PCDHA7: variants seen among roughly 807,000 people sequenced by gnomAD.
PCDHA7 encodes protocadherin alpha 7, also known as protocadherin alpha-7.
A neutral mutation model predicts 57.2 loss-of-function variants in PCDHA7; 37 were observed. The observed-to-expected ratio is 0.65, with a 90% CI of 0.50 to 0.85. The LOEUF (loss-of-function observed/expected upper bound fraction) is 0.85, where lower values mean the gene tolerates loss of function less well. Ranked by LOEUF, PCDHA7 falls within the 40% of genes least tolerant of loss-of-function variation. The pLI, the probability that PCDHA7 is intolerant of heterozygous loss-of-function variation, is 0.00. For synonymous variants in PCDHA7, 553 were observed against 558.8 expected (o/e 0.99, Z 0.15); for missense variants, 1,188 against 1,241.8 (o/e 0.96, Z 0.65).
intron 1 of PCDHA7, among the ~76,000 whole-genome samples, chr5:140,935,339 A>G (rs1048024159): frequency 1.3e-5 from 2 of 152,180 alleles, no homozygotes; most frequent in Admixed American, 6.5e-5. Context: ...TTTCTCCCAT[A>G]CGTCAAATCC....
intron 1 of PCDHA7, among the ~76,000 whole-genome samples, chr5:140,904,937 A>C (rs2071485651): frequency 6.6e-6 from 1 of 152,190 alleles, no homozygotes; most frequent in Non-Finnish European, 1.5e-5. Flanking sequence ...GGTTCTGGAT[A>C]TTAGTCCTTT....
intron 1 of PCDHA7, among the ~76,000 whole-genome samples, chr5:140,950,043 A>G (rs1011500100): frequency 1.6e-4 from 25 of 151,950 alleles, no homozygotes; most frequent in Non-Finnish European, 3.4e-4. Context: ...TTACAACCAT[A>G]TAAGACTATT....
chr5:140,992,698 A>G (rs764226558), intron 3 of PCDHA7, among the ~76,000 whole-genome samples: 4 of 152,094 alleles, frequency 2.6e-5, no homozygotes, highest in Non-Finnish European at 4.4e-5. Flanking sequence ...GGGGTGGGTA[A>G]TGTTCCTGCC....
chr5:140,869,250 G>C (rs371660992), intron 1 of PCDHA7: 4 of 1,613,636 alleles, frequency 2.5e-6, no homozygotes, highest in East Asian at 2.2e-5. Flanking sequence ...GCCGCATCGC[G>C]CAGGACCTGG....
In PCDHA7 at chr5:140,877,128, G is replaced by T. The variant is rs782052511; in HGVS notation, c.2355+40390G>T. On this transcript the variant is annotated intron_variant, in intron 1 of 3. Coordinates refer to ENST00000525929, the MANE Select transcript of PCDHA7 (RefSeq NM_018910.3). ...CTCTGGGCAGCAACGTGACGCTGCA[G>T]GTGTTCGTGCTGGACGAGAACGACA... is the stretch of plus-strand genomic sequence containing the variant. 3.1e-6 allele frequency: 5 copies of T among 1,613,644 alleles called. No homozygotes were observed. The African/African-American group carries it at 5.3e-5, about 17-fold the overall frequency.
chr5:140,862,756 G>C (rs1027587772), intron 1 of PCDHA7: 46 of 577,592 alleles, frequency 8.0e-5, no homozygotes, highest in Non-Finnish European at 1.4e-4. Context: ...CGCGGAGAGC[G>C]GCAAGAGGTA....
At chr5:140,927,366 A>C in intron 1 of PCDHA7, 1 of 1,614,088 alleles carries the variant, frequency 6.2e-7, no homozygotes, top group Non-Finnish European at 8.5e-7. Context: ...GCAATGGGAT[A>C]CTAAGCTACA....
chr5:140,981,944 G>A (rs893119825), intron 2 of PCDHA7, among the ~76,000 whole-genome samples: 2 of 152,174 alleles, frequency 1.3e-5, no homozygotes, highest in Non-Finnish European at 2.9e-5. Flanking sequence ...GAAATATAGG[G>A]TGGGTCATCT....
intron 1 of PCDHA7, chr5:140,968,380 C>T: frequency 6.2e-7 from 1 of 1,614,072 alleles, no homozygotes; most frequent in Non-Finnish European, 8.5e-7. Context: ...ACTCCTTTGA[C>T]TATGAGAAGT....
chr5:140,954,885 T>C (rs1291095041), intron 1 of PCDHA7, among the ~76,000 whole-genome samples: 1 of 152,218 alleles, frequency 6.6e-6, no homozygotes, highest in Non-Finnish European at 1.5e-5. Context: ...GCTTTTCTTC[T>C]AGGGTTTTTA....
chr5:140,926,349 G>A (rs1405832516), intron 1 of PCDHA7: 2 of 152,260 alleles, frequency 1.3e-5, no homozygotes, highest in Admixed American at 1.3e-4. Flanking sequence ...CCCGACGCGC[G>A]GCTCCCAAAG....
intron 1 of PCDHA7, among the ~76,000 whole-genome samples, chr5:140,955,006 C>G (rs1304080416): frequency 6.6e-6 from 1 of 152,154 alleles, no homozygotes; most frequent in African/African-American, 2.4e-5. Flanking sequence ...AGCCAATTCT[C>G]CCAGCACCAT....
At chr5:140,983,392 C>T (rs1190599444) in intron 3 of PCDHA7, among the ~76,000 whole-genome samples, 2 of 152,150 alleles carry the variant, frequency 1.3e-5, no homozygotes, top group African/African-American at 2.4e-5. Context: ...TGGCAGTTTT[C>T]AGAAAGGGAA....
chr5:140,851,798 T>C lies in PCDHA7; in HGVS notation c.2355+15060T>C. On this transcript the variant is annotated intron_variant, in intron 1 of 3. Coordinates refer to ENST00000525929, the MANE Select transcript of PCDHA7 (RefSeq NM_018910.3). ...TTTAGATGAGAATTCACTTGTTCTGTCAGTAATCCATAAGACAGAAATCTG... is the reference window on the plus strand; with the variant it reads ...TTTAGATGAGAATTCACTTGTTCTGCCAGTAATCCATAAGACAGAAATCTG... 3 of 953,066 alleles carry C rather than the reference T, an allele frequency of 3.1e-6. No individual in the cohort carries two copies. The South Asian group carries it at 1.5e-4, about 46-fold the overall frequency. 59.0% of individuals were successfully genotyped at this position (953,066 alleles called of 1,614,324 possible). A position where few individuals can be genotyped will look rare whatever the true frequency, so the allele number is the denominator to read the frequency against.
At chr5:140,977,955 C>T (rs1280190913) in intron 1 of PCDHA7, among the ~76,000 whole-genome samples, 1 of 152,170 alleles carries the variant, frequency 6.6e-6, no homozygotes, top group African/African-American at 2.4e-5. Context: ...GACAGGGCCA[C>T]CTCAATCTCC....
chr5:140,995,949 G>T (rs781875497), intron 3 of PCDHA7, among the ~76,000 whole-genome samples: 1 of 152,160 alleles, frequency 6.6e-6, no homozygotes, highest in African/African-American at 2.4e-5. Context: ...CATAATGCAC[G>T]CAAAATGCTT....
In PCDHA7 at chr5:140,978,698, A is replaced by C. The variant is rs150194035; in HGVS notation, c.2356-251A>C. 1.4e-3 allele frequency among the ~76,000 whole-genome samples: 215 copies of C among 152,372 alleles called. 5 individuals carry two copies. In the South Asian group the frequency reaches 0.033, roughly 23 times the overall value. ...ACATGTATTGGGCAAGGCAAAGCCA[A>C]AGGTGGCCTTTACAAGATTATTAAA... is the stretch of plus-strand genomic sequence containing the variant. On this transcript the variant is annotated intron_variant, in intron 1 of 3. Transcript: ENST00000525929.
intron 1 of PCDHA7, among the ~76,000 whole-genome samples, chr5:140,938,157 G>C (rs532966795): frequency 6.6e-6 from 1 of 152,022 alleles, no homozygotes; most frequent in African/African-American, 2.4e-5. Context: ...CATTGCCCAG[G>C]CTAGTCTGGA....
rs375716587 is a variant in PCDHA7 at position 140,871,025 on chromosome 5, C to T, written c.2355+34287C>T. ...ACGCGTGCCCTGGACGAGGCAGACT[C>T]GCCGCGCCACCGACTTCTAGTACTG... On this transcript the variant is annotated intron_variant, in intron 1 of 3. Transcript: ENST00000525929. 13 of 1,613,228 alleles carry T rather than the reference C, an allele frequency of 8.1e-6. No homozygotes were observed. Among genetic ancestry groups the T allele is most frequent in the Admixed American group, 1.7e-5 (1 of 60,010 alleles).
Sources: gnomAD v4.1 joint callset for allele counts (sites outside exome capture counted in the v4.1 genomes callset) on GRCh38, gnomAD v4.1.1 for gene constraint, MANE v1.5 for transcripts, NCBI Gene and HGNC (gene_info 2026-07-23, HGNC 2026-07-21) for gene names.